Variants in NCAM1 observed in about 807,000 individuals in gnomAD.
NCAM1 encodes the protein neural cell adhesion molecule 1, also known as antigen recognized by monoclonal antibody 5.1H11.
A neutral mutation model predicts 109.8 loss-of-function variants in NCAM1; 14 were observed. The ratio of observed to expected loss-of-function variants is 0.13; its 90% confidence interval spans 0.08 to 0.20. The LOEUF is 0.20. Ranked by LOEUF, NCAM1 falls within the 10% of genes least tolerant of loss-of-function variation. The pLI, the probability that NCAM1 is intolerant of heterozygous loss-of-function variation, is 1.00. For synonymous variants in NCAM1, 418 were observed against 442.9 expected, an observed-to-expected ratio of 0.94 and a Z score of 0.70; for missense variants, 774 against 1,109.9, an observed-to-expected ratio of 0.70 and a Z score of 4.30.
At chr11:113,224,615 G>A (rs1944783234) in intron 9 of NCAM1, among the ~76,000 whole-genome samples, 2 of 152,214 alleles carry the variant, frequency 1.3e-5, no homozygotes, top group Non-Finnish European at 2.9e-5. Flanking sequence ...CTTGAGATCC[G>A]AGAACGGACA....
At position 113,077,950 on chromosome 11, in the gene NCAM1, G is replaced by T. The variant is rs544661571; in HGVS notation, c.52+116286G>T. Among the ~76,000 whole-genome samples, 3 of 152,234 alleles carry T rather than the reference G, an allele frequency of 2.0e-5. No homozygotes were observed. The South Asian group carries it at 6.2e-4, about 32-fold the overall frequency. On this transcript the variant is annotated intron_variant, in intron 1 of 19. Transcript: ENST00000316851. ...GATTCACCCACCTCAGCCTCCCAAA[G>T]TGCTGGAATTACAGGCGTGAGCCAC...
At chr11:113,127,477 T>A (rs1230310737) in intron 1 of NCAM1, among the ~76,000 whole-genome samples, 2 of 152,200 alleles carry the variant, frequency 1.3e-5, no homozygotes, top group Non-Finnish European at 2.9e-5. Flanking sequence ...TAATTGCTCC[T>A]GTAAAAAGAA....
rs182250287 is a variant in NCAM1, at chr11:113,016,186, T to C, written c.52+54522T>C. Among the ~76,000 whole-genome samples, 6 of 152,278 alleles carry C rather than the reference T, an allele frequency of 3.9e-5. No individual in the cohort carries two copies. In the East Asian group the frequency reaches 5.8e-4, roughly 15 times the overall value. On this transcript the variant is annotated intron_variant, in intron 1 of 19. Coordinates refer to ENST00000316851, the MANE Select transcript of NCAM1 (RefSeq NM_181351.5). ...AACAGTAATTCTTGGGTCTCTACTA[T>C]AGTAAGTCAAGCACTGAGCCAAGAT...
chr11:113,117,514 G>A (rs2011505), intron 1 of NCAM1, among the ~76,000 whole-genome samples: 75,230 of 151,666 alleles, frequency 0.5, 19,668 homozygotes, highest in Middle Eastern at 0.55. Flanking sequence ...TCTTATTGGC[G>A]TTTTTGCTTT....
rs530684289 is a variant in NCAM1 at position 113,149,601 on chromosome 11, CCTCT to C, written c.53-52775_53-52772del. Among the ~76,000 whole-genome samples the C allele has an allele frequency of 2.7e-3, 405 of 152,264 alleles. 2 individuals carry two copies. Among genetic ancestry groups the C allele is most frequent in the African/African-American group, 9.4e-3 (390 of 41,546 alleles). On this transcript the variant is annotated intron_variant, in intron 1 of 19. Transcript: ENST00000316851. ...TCAAGATCTCCACAATTTCTATTTC[CCTCT>C]CTGTCTCTAAATAAAACTGTTTTTC...
At chr11:113,157,363 A>G (rs1555103627) in intron 1 of NCAM1, among the ~76,000 whole-genome samples, 1 of 152,230 alleles carries the variant, frequency 6.6e-6, no homozygotes, top group African/African-American at 2.4e-5. Flanking sequence ...TTATTCCCAC[A>G]TCAAACAAAC....
chr11:113,234,148 T>C (rs1945093247), intron 13 of NCAM1, among the ~76,000 whole-genome samples: 2 of 151,768 alleles, frequency 1.3e-5, no homozygotes, highest in South Asian at 4.2e-4. Context: ...TGCTGGGTAA[T>C]CAGGATTGGA....
intron 1 of NCAM1, among the ~76,000 whole-genome samples, chr11:113,028,908 A>G (rs1555077896): frequency 6.6e-6 from 1 of 152,202 alleles, no homozygotes; most frequent in Non-Finnish European, 1.5e-5. Context: ...TCAGAAAATA[A>G]TACCTCTTAA....
chr11:113,068,039 T>C (rs1938058091), intron 1 of NCAM1, among the ~76,000 whole-genome samples: 1 of 151,370 alleles, frequency 6.6e-6, no homozygotes, highest in African/African-American at 2.4e-5. Context: ...GCCTCCCGAG[T>C]AGCTGGGACT....
intron 14 of NCAM1, chr11:113,240,709 T>G: frequency 7.2e-7 from 1 of 1,397,548 alleles, no homozygotes; most frequent in Non-Finnish European, 1.0e-6. Context: ...CCAGGGTTGT[T>G]GCTTCCATTT....
chr11:113,221,407 C>T, intron 9 of NCAM1, 82 bp downstream of exon 9: 3 of 1,376,046 alleles, frequency 2.2e-6, no homozygotes, highest in South Asian at 1.3e-5. Flanking sequence ...AATAACCAGA[C>T]ATGCTAAACT....
intron 1 of NCAM1, among the ~76,000 whole-genome samples, chr11:113,009,182 A>AT: frequency 6.6e-6 from 1 of 152,168 alleles, no homozygotes; most frequent in Non-Finnish European, 1.5e-5. Flanking sequence ...GGACAGACTC[A>AT]TGTAGGACCA....
At chr11:113,066,896 C>T (rs1937987309) in intron 1 of NCAM1, among the ~76,000 whole-genome samples, 1 of 151,136 alleles carries the variant, frequency 6.6e-6, no homozygotes, top group Non-Finnish European at 1.5e-5. Context: ...CCCAGTTGCT[C>T]CGGAGGCTGA....
chr11:112,961,593 C>A lies in NCAM1; in HGVS notation c.-20C>A. On this transcript the variant is annotated 5_prime_UTR_variant, in exon 1 of 20. Transcript: ENST00000316851. ...AGAATTTACCGCGGCAAGAACATCC[C>A]TCCCAGCCAGCAGATTACAATGCTG... is the stretch of plus-strand genomic sequence containing the variant. 1 of 1,461,624 alleles carries A rather than the reference C, an allele frequency of 6.8e-7. No individual in the cohort carries two copies. The highest frequency in any genetic ancestry group is 9.6e-7 in the Non-Finnish European group (1 of 1,042,856). The allele number at this position is 1,461,624 out of a possible 1,614,324, so 90.5% of individuals were successfully genotyped here.
chr11:113,042,931 T>C (rs1013716154), intron 1 of NCAM1, among the ~76,000 whole-genome samples: 1 of 152,244 alleles, frequency 6.6e-6, no homozygotes, highest in Non-Finnish European at 1.5e-5. Flanking sequence ...GCCTGACACA[T>C]AGTAAGTACT....
intron 1 of NCAM1, among the ~76,000 whole-genome samples, chr11:112,966,823 A>G (rs1348486754): frequency 6.6e-6 from 1 of 152,224 alleles, no homozygotes; most frequent in African/African-American, 2.4e-5. Context: ...CCATGTCTAC[A>G]TGCAGCCACT....
intron 1 of NCAM1, among the ~76,000 whole-genome samples, chr11:113,199,216 A>C (rs576354112): frequency 5.3e-5 from 8 of 152,318 alleles, no homozygotes; most frequent in African/African-American, 1.7e-4. Context: ...GGTGGGAGTT[A>C]TGCCCAGTGA....
chr11:113,182,610 G>A lies in NCAM1; in HGVS notation c.53-19769G>A, dbSNP rs1943367625. On this transcript the variant is annotated intron_variant, in intron 1 of 19. Transcript: ENST00000316851. ...TGTTTCACCAAAGAAGAAAAGCTGG[G>A]AGTAGCTGGTTCCTCCAGAGCAGCA... 2.0e-5 allele frequency among the ~76,000 whole-genome samples: 3 copies of A among 152,302 alleles called. No homozygotes were observed. In the South Asian group the frequency reaches 6.2e-4, roughly 32 times the overall value.
chr11:112,993,172 C>A (rs532575437), intron 1 of NCAM1, among the ~76,000 whole-genome samples: 1 of 152,202 alleles, frequency 6.6e-6, no homozygotes, highest in South Asian at 2.1e-4. Context: ...TTAATTGGCT[C>A]ATGGTTCTGC....
Sources: allele counts gnomAD v4.1 joint callset (sites outside exome capture counted in the v4.1 genomes callset), GRCh38; gene constraint gnomAD v4.1.1; transcripts MANE v1.5; gene names NCBI Gene and HGNC (gene_info 2026-07-23, HGNC 2026-07-21).